The following ARHGAP24 variants were observed in gnomAD, a reference collection of about 807,000 sequenced individuals.
The protein encoded by ARHGAP24 is Rho GTPase activating protein 24, also known as rho GTPase-activating protein 24.
Under a neutral mutation model 76.4 loss-of-function variants are expected in ARHGAP24, and 50 were observed. That is an observed-to-expected ratio of 0.65 (90% CI 0.52 to 0.83). ARHGAP24 has a LOEUF of 0.83. Among genes scored for constraint, ARHGAP24 ranks in the 40% least tolerant of loss-of-function variants. The pLI is 0.00. For synonymous variants in ARHGAP24, 345 were observed against 323.3 expected, an observed-to-expected ratio of 1.07 and a Z score of -0.72; for missense variants, 930 against 914.2, an observed-to-expected ratio of 1.02 and a Z score of -0.22.
chr4:85,674,069 G>A (rs1230584487), intron 2 of ARHGAP24, among the ~76,000 whole-genome samples: 1 of 152,098 alleles, frequency 6.6e-6, no homozygotes, highest in Non-Finnish European at 1.5e-5. Flanking sequence ...AGTGGCATCT[G>A]GGACTAAACC....
chr4:85,842,221 A>C (rs1191746813), intron 3 of ARHGAP24, among the ~76,000 whole-genome samples: 1 of 152,136 alleles, frequency 6.6e-6, no homozygotes, highest in African/African-American at 2.4e-5. Flanking sequence ...AGTAGATGGG[A>C]GTTTAAGGCC....
chr4:85,732,123 T>C (rs989585740), intron 3 of ARHGAP24, among the ~76,000 whole-genome samples: 5 of 152,220 alleles, frequency 3.3e-5, no homozygotes, highest in Non-Finnish European at 7.3e-5. Flanking sequence ...CTAATCAAGC[T>C]ATGAAAATAG....
chr4:85,494,642 T>G (rs1457167400), intron 1 of ARHGAP24, among the ~76,000 whole-genome samples: 1 of 149,854 alleles, frequency 6.7e-6, no homozygotes, highest in Non-Finnish European at 1.5e-5. Context: ...GATTGCACCA[T>G]TGCACTCCAG....
intron 3 of ARHGAP24, among the ~76,000 whole-genome samples, chr4:85,809,965 T>A (rs568143217): frequency 7.5e-4 from 114 of 152,338 alleles, no homozygotes; most frequent in African/African-American, 2.7e-3. Flanking sequence ...TGAGGGCAAG[T>A]CACTTAAAAT....
At chr4:85,713,378 TTA>T (rs912513149) in intron 2 of ARHGAP24, among the ~76,000 whole-genome samples, 4 of 152,196 alleles carry the variant, frequency 2.6e-5, no homozygotes, top group African/African-American at 9.6e-5. Context: ...TATGTACTCA[TTA>T]TTTTTTAAAA....
chr4:85,556,413 C>T (rs898995566), intron 1 of ARHGAP24, among the ~76,000 whole-genome samples: 2 of 152,022 alleles, frequency 1.3e-5, no homozygotes, highest in South Asian at 2.1e-4. Context: ...TGTGGGAGCT[C>T]GCTGGAAAGA....
rs535599087 is a variant in ARHGAP24 at position 85,526,589 on chromosome 4, C to G, written c.-20-43933C>G. 1.1e-4 allele frequency among the ~76,000 whole-genome samples: 17 copies of G among 151,974 alleles called. 2 individuals carry two copies. In the South Asian group the frequency reaches 3.5e-3, roughly 32 times the overall value. On this transcript the variant is annotated intron_variant, in intron 1 of 9. Coordinates refer to ENST00000395184, the MANE Select transcript of ARHGAP24 (RefSeq NM_001025616.3). The stretch of plus-strand genomic sequence containing the variant: ...TTCTGCCTCTATTAAGGGAGAAGGA[C>G]AGTTCATGGGATCGTTTTCCCTACT...
chr4:85,541,142 C>CTTTTTTTTTT lies in ARHGAP24; in HGVS notation c.-20-29360_-20-29351dup, dbSNP rs70948733. 2.3e-3 allele frequency among the ~76,000 whole-genome samples: 116 copies of CTTTTTTTTTT among 49,778 alleles called. 11 individuals are homozygous for CTTTTTTTTTT. Among genetic ancestry groups the CTTTTTTTTTT allele is most frequent in the Non-Finnish European group, 2.8e-3 (89 of 31,856 alleles). The allele number at this position is 49,778 out of a possible 152,430, so 32.7% of individuals were successfully genotyped here. A position where few individuals can be genotyped will look rare whatever the true frequency, so the allele number is the denominator to read the frequency against. The stretch of plus-strand genomic sequence containing the variant: ...TGTGTCTTCTGCTAGCATCCATGAC[C>CTTTTTTTTTT]TTTTTTTTTTTTTTTTTTTTTTTTT... On this transcript the variant is annotated intron_variant, in intron 1 of 9. Transcript: ENST00000395184.
intron 1 of ARHGAP24, among the ~76,000 whole-genome samples, chr4:85,567,017 A>G (rs901766116): frequency 6.6e-6 from 1 of 152,120 alleles, no homozygotes; most frequent in African/African-American, 2.4e-5. Context: ...ATGTATGTGT[A>G]TGGTATGGGG....
At chr4:85,608,551 GTTTTTTTTTTTT>G (rs141361475) in intron 2 of ARHGAP24, among the ~76,000 whole-genome samples, 3 of 73,184 alleles carry the variant, frequency 4.1e-5, no homozygotes, top group African/African-American at 1.1e-4. Context: ...TTGTTTGGTT[GTTTTTTTTTTTT>G]TTTTTTTTTT....
intron 2 of ARHGAP24, among the ~76,000 whole-genome samples, chr4:85,593,794 T>G (rs965367892): frequency 6.6e-6 from 1 of 152,170 alleles, no homozygotes; most frequent in Non-Finnish European, 1.5e-5. Context: ...GGTTCTTTAT[T>G]CTGTTACACT....
intron 3 of ARHGAP24, among the ~76,000 whole-genome samples, chr4:85,865,789 C>A (rs756378990): frequency 4.0e-5 from 6 of 151,786 alleles, no homozygotes; most frequent in Non-Finnish European, 8.8e-5. Context: ...TAGAAGGCAT[C>A]TGTAATATGT....
chr4:85,565,606 CATT>C, intron 1 of ARHGAP24, among the ~76,000 whole-genome samples: 1 of 152,138 alleles, frequency 6.6e-6, no homozygotes, highest in Admixed American at 6.5e-5. Context: ...TGGGAGCGTG[CATT>C]CACTGAGTGG....
chr4:85,494,031 A>C (rs1036461637), intron 1 of ARHGAP24, among the ~76,000 whole-genome samples: 1 of 152,178 alleles, frequency 6.6e-6, no homozygotes, highest in Non-Finnish European at 1.5e-5. Context: ...GTTGACCTGA[A>C]TATTTACATA....
At chr4:85,894,704 A>C (rs950646843) in intron 3 of ARHGAP24, among the ~76,000 whole-genome samples, 2 of 152,132 alleles carry the variant, frequency 1.3e-5, no homozygotes, top group African/African-American at 2.4e-5. Flanking sequence ...TCATGCCTGC[A>C]ATCCCAGCAT....
chr4:85,495,900 T>C (rs1723563177), intron 1 of ARHGAP24, among the ~76,000 whole-genome samples: 1 of 152,240 alleles, frequency 6.6e-6, no homozygotes, highest in Non-Finnish European at 1.5e-5. Flanking sequence ...AAGAAAATTT[T>C]AATCCTTTTA....
intron 4 of ARHGAP24, among the ~76,000 whole-genome samples, chr4:85,925,846 T>C (rs1441736951): frequency 2.0e-5 from 3 of 152,270 alleles, no homozygotes; most frequent in Non-Finnish European, 4.4e-5. Context: ...AAAGGGTTTG[T>C]GGGGAGCCTG....
At chr4:85,908,981 T>C (rs1173170191) in intron 3 of ARHGAP24, among the ~76,000 whole-genome samples, 1 of 152,160 alleles carries the variant, frequency 6.6e-6, no homozygotes, top group Non-Finnish European at 1.5e-5. Context: ...TGTAGACATA[T>C]TAAAGAACAA....
At chr4:85,560,985 T>C (rs1251297869) in intron 1 of ARHGAP24, among the ~76,000 whole-genome samples, 7 of 152,244 alleles carry the variant, frequency 4.6e-5, no homozygotes, top group African/African-American at 1.7e-4. Flanking sequence ...AACACAAAGA[T>C]GGATTGAAGC....
Sources: allele counts gnomAD v4.1 joint callset (sites outside exome capture counted in the v4.1 genomes callset), GRCh38; gene constraint gnomAD v4.1.1; transcripts MANE v1.5; gene names NCBI Gene and HGNC (gene_info 2026-07-23, HGNC 2026-07-21).